The following DGKB variants were observed in gnomAD, a reference collection of about 807,000 sequenced individuals.
The protein encoded by DGKB is 90 kDa diacylglycerol kinase.
DGKB carries 67 observed loss-of-function variants against 114.3 expected under a neutral mutation model. The observed-to-expected ratio is 0.59, with a 90% CI of 0.48 to 0.72. The LOEUF (loss-of-function observed/expected upper bound fraction) is 0.72. Ranked by LOEUF, DGKB falls within the 30% of genes least tolerant of loss-of-function variation. The pLI is 0.00. For missense variants in DGKB, 907 were observed against 975.2 expected (o/e 0.93, Z 0.93); for synonymous variants, 398 against 323.1 (o/e 1.23, Z -2.49).
chr7:14,480,724 G>A (rs949978802), intron 20 of DGKB, among the ~76,000 whole-genome samples: 1 of 152,050 alleles, frequency 6.6e-6, no homozygotes, highest in Non-Finnish European at 1.5e-5. Flanking sequence ...TCCAAGCCTT[G>A]TGACTTCAAA....
intron 4 of DGKB, among the ~76,000 whole-genome samples, chr7:14,739,246 C>A (rs909653784): frequency 6.6e-6 from 1 of 152,218 alleles, no homozygotes; most frequent in Non-Finnish European, 1.5e-5. Flanking sequence ...TCACTGTGCA[C>A]AGGAGGCCTG....
intron 1 of DGKB, among the ~76,000 whole-genome samples, chr7:14,881,215 A>G (rs1402663853): frequency 6.6e-6 from 1 of 152,178 alleles, no homozygotes; most frequent in African/African-American, 2.4e-5. Context: ...TGTGATCATT[A>G]CTTCAGTTCA....
intron 6 of DGKB, among the ~76,000 whole-genome samples, chr7:14,711,574 CACTA>C (rs951101717): frequency 6.6e-6 from 1 of 151,962 alleles, no homozygotes; most frequent in African/African-American, 2.4e-5. Flanking sequence ...GAGGAGAAAA[CACTA>C]ACACAATTTT....
At chr7:14,276,498 G>A (rs1799016206) in intron 23 of DGKB, among the ~76,000 whole-genome samples, 1 of 152,010 alleles carries the variant, frequency 6.6e-6, no homozygotes, top group Non-Finnish European at 1.5e-5. Flanking sequence ...GAGTACATAA[G>A]AGAAAATTTT....
At chr7:14,591,340 G>A (rs1801675165) in intron 17 of DGKB, among the ~76,000 whole-genome samples, 1 of 151,934 alleles carries the variant, frequency 6.6e-6, no homozygotes. Flanking sequence ...ATCATGCTTG[G>A]GTCCTGAATT....
rs74568562 is a variant in DGKB, at chr7:14,897,611, G to C, written c.-188+4981C>G. On this transcript the variant is annotated intron_variant, in intron 1 of 25. Transcript: ENST00000402815. ...GTTAATAACCTGAAACCAGAAAATA[G>C]GTATCAGTAAAAATTTTAATTTTGT... Among the ~76,000 whole-genome samples the C allele has an allele frequency of 2.7e-3, 413 of 151,774 alleles. 1 individual carries two copies. Among genetic ancestry groups the C allele is most frequent in the African/African-American group, 9.8e-3 (407 of 41,460 alleles).
chr7:14,246,433 T>C (rs1403155450), intron 23 of DGKB, among the ~76,000 whole-genome samples: 2 of 152,206 alleles, frequency 1.3e-5, no homozygotes, highest in East Asian at 3.8e-4. Context: ...ATCTAGCTTC[T>C]GAACCCACAT....
chr7:14,225,247 T>C (rs1005895170), intron 23 of DGKB, among the ~76,000 whole-genome samples: 1 of 152,086 alleles, frequency 6.6e-6, no homozygotes, highest in African/African-American at 2.4e-5. Flanking sequence ...GCCTTCAAAC[T>C]GGCATGGGGA....
intron 1 of DGKB, among the ~76,000 whole-genome samples, chr7:14,923,274 G>A (rs1278957014): frequency 6.6e-6 from 1 of 152,064 alleles, no homozygotes; most frequent in South Asian, 2.1e-4. Flanking sequence ...GTTATAAAAA[G>A]TTCTCAGGTG....
At chr7:14,250,859 T>C (rs151307689) in intron 23 of DGKB, among the ~76,000 whole-genome samples, 67 of 152,328 alleles carry the variant, frequency 4.4e-4, no homozygotes, top group African/African-American at 1.3e-3. Flanking sequence ...TCTTGATGAA[T>C]TGACTCCATT....
intron 2 of DGKB, among the ~76,000 whole-genome samples, chr7:14,777,722 A>C (rs1362855423): frequency 6.6e-6 from 1 of 152,202 alleles, no homozygotes; most frequent in Non-Finnish European, 1.5e-5. Context: ...CTTTATTAGT[A>C]GTGTGACAAT....
intron 1 of DGKB, among the ~76,000 whole-genome samples, chr7:14,971,586 C>A (rs1256429314): frequency 5.3e-5 from 8 of 151,784 alleles, no homozygotes; most frequent in African/African-American, 1.9e-4. Context: ...ATTTCTGAAA[C>A]CAACTAGGCT....
At chr7:14,269,999 G>T (rs547883529) in intron 23 of DGKB, among the ~76,000 whole-genome samples, 19 of 139,458 alleles carry the variant, frequency 1.4e-4, no homozygotes, top group Admixed American at 6.9e-4. Context: ...TCAATTGAGG[G>T]TCATTGATTC....
intron 1 of DGKB, among the ~76,000 whole-genome samples, chr7:14,922,207 T>C (rs1197495745): frequency 2.6e-5 from 4 of 151,902 alleles, no homozygotes. Context: ...AAGCAGATAA[T>C]TAAAAAGGCT....
At chr7:14,923,864 G>A (rs1339400550) in intron 1 of DGKB, among the ~76,000 whole-genome samples, 1 of 151,450 alleles carries the variant, frequency 6.6e-6, no homozygotes, top group Non-Finnish European at 1.5e-5. Flanking sequence ...GTGTGGTGGT[G>A]CATGCCTGTA....
intron 23 of DGKB, among the ~76,000 whole-genome samples, chr7:14,320,564 T>C (rs1277035752): frequency 5.0e-5 from 7 of 140,112 alleles, no homozygotes; most frequent in Non-Finnish European, 7.4e-5. Context: ...ATATAGTACA[T>C]ATATATATGT....
intron 23 of DGKB, among the ~76,000 whole-genome samples, chr7:14,256,471 TTTA>T (rs1795991718): frequency 2.6e-5 from 4 of 152,046 alleles, no homozygotes; most frequent in African/African-American, 9.7e-5. Flanking sequence ...AAATATTTTA[TTTA>T]TTTATTTCAT....
intron 21 of DGKB, among the ~76,000 whole-genome samples, chr7:14,425,025 T>G (rs928310824): frequency 3.3e-5 from 5 of 152,176 alleles, no homozygotes; most frequent in African/African-American, 1.2e-4. Flanking sequence ...TTGGTTGATG[T>G]AGAAATATAA....
chr7:14,953,852 T>G (rs1424369522), intron 1 of DGKB, among the ~76,000 whole-genome samples: 1 of 152,110 alleles, frequency 6.6e-6, no homozygotes, highest in Non-Finnish European at 1.5e-5. Context: ...CAGCAAAGGC[T>G]AAGAAGTGTT....
Sources: gnomAD v4.1 joint callset for allele counts (sites outside exome capture counted in the v4.1 genomes callset) on GRCh38, gnomAD v4.1.1 for gene constraint, MANE v1.5 for transcripts, NCBI Gene and HGNC (gene_info 2026-07-23, HGNC 2026-07-21) for gene names.